Variants in DACH1 observed in about 807,000 individuals in gnomAD.
The protein encoded by DACH1 is dachshund homolog 1.
DACH1 carries 12 observed loss-of-function variants against 54.2 expected under a neutral mutation model. The ratio of observed to expected loss-of-function variants is 0.22; its 90% CI spans 0.14 to 0.36. DACH1 has a LOEUF of 0.36. DACH1 is among the 10% of genes least tolerant of loss of function. The pLI is 1.00. For synonymous variants in DACH1, 386 were observed against 366.2 expected (o/e 1.05, Z -0.62); for missense variants, 805 against 929.8 (o/e 0.87, Z 1.75).
At chr13:71,548,665 T>G (rs1272243316) in intron 6 of DACH1, among the ~76,000 whole-genome samples, 1 of 152,058 alleles carries the variant, frequency 6.6e-6, no homozygotes, top group Admixed American at 6.6e-5. Flanking sequence ...GCCTGTAATC[T>G]CAGCACTTTG....
intron 1 of DACH1, among the ~76,000 whole-genome samples, chr13:71,814,252 A>G (rs1406424811): frequency 6.6e-6 from 1 of 152,234 alleles, no homozygotes; most frequent in Non-Finnish European, 1.5e-5. Flanking sequence ...ACAAGTTTAT[A>G]AATTATGCAT....
chr13:71,579,024 A>G (rs1885704591), intron 3 of DACH1, among the ~76,000 whole-genome samples: 2 of 152,100 alleles, frequency 1.3e-5, no homozygotes, highest in Admixed American at 1.3e-4. Context: ...AAATAATTAG[A>G]TATTTTTCTT....
chr13:71,616,970 C>A (rs1012522580), intron 3 of DACH1, among the ~76,000 whole-genome samples: 2 of 151,658 alleles, frequency 1.3e-5, no homozygotes, highest in East Asian at 3.9e-4. Flanking sequence ...CAACCTCCAC[C>A]TCCCAGGTTC....
At chr13:71,845,395 C>CT (rs1453661594) in intron 1 of DACH1, among the ~76,000 whole-genome samples, 1 of 152,060 alleles carries the variant, frequency 6.6e-6, no homozygotes, top group Non-Finnish European at 1.5e-5. Context: ...AACTATAATA[C>CT]TTTTTTGCTG....
At chr13:71,844,889 C>T (rs932732234) in intron 1 of DACH1, among the ~76,000 whole-genome samples, 1 of 152,034 alleles carries the variant, frequency 6.6e-6, no homozygotes, top group Non-Finnish European at 1.5e-5. Flanking sequence ...TGTTCTCATT[C>T]ATGTGGAAGC....
intron 1 of DACH1, among the ~76,000 whole-genome samples, chr13:71,815,851 C>T (rs528934589): frequency 6.6e-6 from 1 of 152,016 alleles, no homozygotes; most frequent in Non-Finnish European, 1.5e-5. Context: ...TTTGGGAGGC[C>T]GAGGCGGGCG....
At position 71,700,428 on chromosome 13, in the gene DACH1, C is replaced by T. The variant is rs186800504; in HGVS notation, c.849-18518G>A. Reference sequence around the variant, plus strand: ...AAAATTAGCCGGGGGTGGTGACGCACGGCTGTATTCTCAGCTACTCAAGAG... The same window carrying T: ...AAAATTAGCCGGGGGTGGTGACGCATGGCTGTATTCTCAGCTACTCAAGAG... On this transcript the variant is annotated intron_variant, in intron 1 of 10. Transcript: ENST00000613252. Among the ~76,000 whole-genome samples, 253 of 151,876 alleles carry T rather than the reference C, an allele frequency of 1.7e-3. 2 individuals carry two copies. Among genetic ancestry groups the T allele is most frequent in the Non-Finnish European group, 2.0e-3 (137 of 67,906 alleles).
At chr13:71,643,066 T>C (rs918306766) in intron 2 of DACH1, among the ~76,000 whole-genome samples, 1 of 152,128 alleles carries the variant, frequency 6.6e-6, no homozygotes, top group African/African-American at 2.4e-5. Flanking sequence ...TATTATATTT[T>C]ATTATTGTTA....
intron 3 of DACH1, among the ~76,000 whole-genome samples, chr13:71,578,636 C>A (rs1885682485): frequency 6.6e-6 from 1 of 152,058 alleles, no homozygotes; most frequent in Non-Finnish European, 1.5e-5. Flanking sequence ...ACACTGAAAT[C>A]TCCTGATGCT....
chr13:71,678,025 T>C (rs566513310), intron 2 of DACH1, among the ~76,000 whole-genome samples: 3 of 152,314 alleles, frequency 2.0e-5, no homozygotes, highest in South Asian at 2.1e-4. Flanking sequence ...AGCCGATCAA[T>C]AGGTATTTAT....
At chr13:71,661,940 A>T (rs750140350) in intron 2 of DACH1, among the ~76,000 whole-genome samples, 36 of 152,180 alleles carry the variant, frequency 2.4e-4, no homozygotes, top group Admixed American at 6.5e-4. Flanking sequence ...GACAGTGATA[A>T]TGTCCCTACT....
intron 3 of DACH1, among the ~76,000 whole-genome samples, chr13:71,579,657 T>A (rs1885743222): frequency 6.6e-6 from 1 of 152,124 alleles, no homozygotes; most frequent in African/African-American, 2.4e-5. Context: ...TTTAAATGAA[T>A]TTCTATATAT....
rs995598720 is a variant in DACH1, at chr13:71,630,450, G to A, written c.1126+106C>T. The A allele has an allele frequency of 9.0e-6, 13 of 1,437,022 alleles. No individual in the cohort carries two copies. The African/African-American group carries it at 1.9e-4, about 21-fold the overall frequency. The allele number at this position is 1,437,022 out of a possible 1,614,324, so 89.0% of individuals were successfully genotyped here. On this transcript the variant is annotated intron_variant, in intron 3 of 10. Coordinates refer to ENST00000613252, the MANE Select transcript of DACH1 (RefSeq NM_080759.6). Reference sequence around the variant, plus strand: ...AACATACAGTGTTTTCAAGCTAAAAGTGCCAACTTTTTGAATGGGTAGCCA... The same window carrying A: ...AACATACAGTGTTTTCAAGCTAAAAATGCCAACTTTTTGAATGGGTAGCCA...
Position 71,612,740 on chromosome 13 carries a change from A to G in DACH1, c.1126+17816T>C, listed in dbSNP as rs554291964. On this transcript the variant is annotated intron_variant, in intron 3 of 10. Transcript: ENST00000613252. ...CAAGAAAATGAGATTATAACACCCT[A>G]CATAGTAAAACTCTGGAATGCTGAC... Among the ~76,000 whole-genome samples the G allele has an allele frequency of 3.3e-5, 5 of 152,348 alleles. No individual in the cohort carries two copies. In the East Asian group the frequency reaches 9.6e-4, roughly 29 times the overall value.
chr13:71,749,784 G>A lies in DACH1; in HGVS notation c.849-67874C>T, dbSNP rs144532728. Reference sequence around the variant, plus strand: ...ACTAAGGAACACGAGTTCCGTAACCGTCATCTCCAAGCTTCACAACAACTC... The same window carrying A: ...ACTAAGGAACACGAGTTCCGTAACCATCATCTCCAAGCTTCACAACAACTC... On this transcript the variant is annotated intron_variant, in intron 1 of 10. Coordinates refer to ENST00000613252, the MANE Select transcript of DACH1 (RefSeq NM_080759.6). Among the ~76,000 whole-genome samples the A allele has an allele frequency of 3.2e-3, 488 of 152,168 alleles. 10 individuals carry two copies. The highest frequency in any genetic ancestry group is 0.011 in the African/African-American group (472 of 41,528).
At chr13:71,445,421 T>A (rs1461878222) in intron 10 of DACH1, among the ~76,000 whole-genome samples, 2 of 152,220 alleles carry the variant, frequency 1.3e-5, no homozygotes, top group Admixed American at 1.3e-4. Flanking sequence ...CTACTTTTAA[T>A]AAATATGTCT....
intron 6 of DACH1, among the ~76,000 whole-genome samples, chr13:71,536,134 C>G (rs189797115): frequency 6.6e-6 from 1 of 152,042 alleles, no homozygotes; most frequent in East Asian, 1.9e-4. Context: ...ACTGATCCAG[C>G]TAAATTTATC....
rs545740892 is a variant in DACH1, at chr13:71,821,063, G to C, written c.848+44859C>G. 2.6e-5 allele frequency among the ~76,000 whole-genome samples: 4 copies of C among 152,286 alleles called. No homozygotes were observed. In the East Asian group the frequency reaches 5.8e-4, roughly 22 times the overall value. ...GAGAAAGCCAGGACTAACCGGAAAA[G>C]TTCATAAGTGGACATGGTAGGAGGT... On this transcript the variant is annotated intron_variant, in intron 1 of 10. Coordinates refer to ENST00000613252, the MANE Select transcript of DACH1 (RefSeq NM_080759.6).
chr13:71,759,848 G>A (rs749893405), intron 1 of DACH1, among the ~76,000 whole-genome samples: 8 of 152,108 alleles, frequency 5.3e-5, no homozygotes, highest in Admixed American at 1.3e-4. Context: ...AATGTCAATA[G>A]TTTAGAAAGA....
Sources: allele counts gnomAD v4.1 joint callset (sites outside exome capture counted in the v4.1 genomes callset), GRCh38; gene constraint gnomAD v4.1.1; transcripts MANE v1.5; gene names NCBI Gene and HGNC (gene_info 2026-07-23, HGNC 2026-07-21).